Variants in CACNA1I observed in about 807,000 individuals in gnomAD.
CACNA1I encodes the protein voltage-dependent T-type calcium channel subunit alpha-1I.
CACNA1I carries 74 observed loss-of-function variants against 201.6 expected under a neutral mutation model. The ratio of observed to expected loss-of-function variants is 0.37; its 90% CI spans 0.30 to 0.45. CACNA1I has a LOEUF of 0.45. Ranked by LOEUF, CACNA1I falls within the 20% of genes least tolerant of loss-of-function variation. CACNA1I has a pLI of 1.00. For synonymous variants in CACNA1I, 1,431 were observed against 1,345.2 expected, an observed-to-expected ratio of 1.06 and a Z score of -1.40; for missense variants, 2,346 against 3,138.1, an observed-to-expected ratio of 0.75 and a Z score of 6.03.
At position 39,616,674 on chromosome 22, in the gene CACNA1I, G is replaced by T. The variant is rs895005714; in HGVS notation, c.483-2636G>T. The stretch of plus-strand genomic sequence containing the variant: ...AGCTACTCAGGAGGCTGAGGCAGGA[G>T]AATCGCTTGAACCCGGGAGGCGTAG... On this transcript the variant is annotated intron_variant, in intron 3 of 36. Coordinates refer to ENST00000402142, the MANE Select transcript of CACNA1I (RefSeq NM_021096.4). Among the ~76,000 whole-genome samples the T allele has an allele frequency of 2.7e-5, 4 of 150,564 alleles. No individual in the cohort carries two copies. In the South Asian group the frequency reaches 6.2e-4, roughly 23 times the overall value.
In CACNA1I at chr22:39,685,739, C is replaced by T. The variant is rs1935841169; in HGVS notation, c.6028-22C>T. On this transcript the variant is annotated intron_variant, in intron 36 of 36. Coordinates refer to ENST00000402142, the MANE Select transcript of CACNA1I (RefSeq NM_021096.4). This position sits in a 1 kb window ranked among gnomAD's most constrained non-coding sequence, Gnocchi z 5.0. ...GGTGGGGGCCGACACAGGCGGCCTC[C>T]ACGGCTCCCACCTCCCCCCAGGCCA... The T allele has an allele frequency of 1.4e-6, 2 of 1,438,250 alleles. No individual in the cohort carries two copies. The highest frequency in any genetic ancestry group is 2.8e-5 in the Admixed American group (1 of 36,312). 89.1% of individuals were successfully genotyped at this position (1,438,250 alleles called of 1,614,324 possible).
At chr22:39,605,422 T>G (rs1933192621) in intron 3 of CACNA1I, among the ~76,000 whole-genome samples, 1 of 152,198 alleles carries the variant, frequency 6.6e-6, no homozygotes, top group Non-Finnish European at 1.5e-5. Context: ...AAGCTCTTTC[T>G]TTCACGGAGC....
chr22:39,593,904 G>A (rs139529582), intron 1 of CACNA1I, among the ~76,000 whole-genome samples: 1 of 152,210 alleles, frequency 6.6e-6, no homozygotes, highest in African/African-American at 2.4e-5. Flanking sequence ...AAATGTTCAA[G>A]TTGTGTTGGG....
At position 39,673,045 on chromosome 22, in the gene CACNA1I, C is replaced by T; in HGVS notation, c.4746C>T (p.Thr1582=). ...EINAALPINP[T]IIRIMRVLRI... ...ATGCGGCCCTGCCCATCAATCCCAC[C>T]ATCATCCGCATCATGAGGGTTCTGC... The change falls in exon 28 of 37, where the codon ACC becomes ACT. Residue 1582 remains threonine (T), a synonymous_variant. Transcript: ENST00000402142. 1.2e-6 allele frequency: 2 copies of T among 1,613,734 alleles called. No homozygotes were observed. The highest frequency in any genetic ancestry group is 1.7e-6 in the Non-Finnish European group (2 of 1,179,792).
At chr22:39,656,812 T>C in intron 10 of CACNA1I, 3 of 517,538 alleles carry the variant, frequency 5.8e-6, no homozygotes, top group South Asian at 2.8e-5. Flanking sequence ...CTAGCCTCAG[T>C]CTCCTCATCT....
chr22:39,646,577 C>T lies in CACNA1I; in HGVS notation c.1158C>T (p.Ser386=), dbSNP rs1255509358. The change falls in exon 8 of 37, where the codon TCC becomes TCT. Residue 386 remains serine (S), a synonymous_variant. Transcript: ENST00000402142. ...CCTCCCGTTGGTCACAGGTGGGCTC[C>T]TTCTTCATGATCAACCTGTGCCTCG... The part of the protein sequence containing the change: ...IYFILLIIVG[S]FFMINLCLVV... The T allele has an allele frequency of 1.3e-6, 2 of 1,554,478 alleles. No individual in the cohort carries two copies. The highest frequency in any genetic ancestry group is 1.7e-6 in the Non-Finnish European group (2 of 1,148,400).
chr22:39,633,175 A>G (rs1321638506), intron 4 of CACNA1I, among the ~76,000 whole-genome samples: 1 of 151,874 alleles, frequency 6.6e-6, no homozygotes, highest in African/African-American at 2.4e-5. Flanking sequence ...CCCATGACTT[A>G]TCACATCATT....
Position 39,658,996 on chromosome 22 carries a change from G to A in CACNA1I, c.2210G>A (p.Arg737His). 2 of 1,610,214 alleles carry A rather than the reference G, an allele frequency of 1.2e-6. No homozygotes were observed. Among genetic ancestry groups the A allele is most frequent in the South Asian group, 1.1e-5 (1 of 90,278 alleles). ...LSVLRTFRLL[R>H]VLKLVRFMPA... ...GTGCTGCGGACCTTCCGGCTGCTGC[G>A]CGTGCTGAAACTGGTGCGCTTCATG... The change falls in exon 12 of 37, where the codon CGC (arginine) becomes CAC (histidine). Residue 737 changes from arginine to histidine, a missense_variant. Physicochemically the swap from Arg to His is conservative, Grantham distance 29 (BLOSUM62 0). Transcript: ENST00000402142.
chr22:39,581,367 T>C (rs980393438), intron 1 of CACNA1I, among the ~76,000 whole-genome samples: 2 of 151,956 alleles, frequency 1.3e-5, no homozygotes, highest in Admixed American at 6.6e-5. Context: ...GGAAGGACAT[T>C]TGGGGTCCAG....
chr22:39,599,609 A>G (rs1389631118), intron 2 of CACNA1I, among the ~76,000 whole-genome samples: 1 of 87,216 alleles, frequency 1.1e-5, no homozygotes, highest in Non-Finnish European at 2.1e-5. Flanking sequence ...ACAGAGCGAG[A>G]CTCCGTCTCA....
Position 39,670,953 on chromosome 22 carries a change from C to T in CACNA1I, c.4538C>T (p.Thr1513Met), listed in dbSNP as rs8141262. 23,623 of 1,613,656 alleles carry T rather than the reference C, an allele frequency of 0.015. 2,776 individuals carry two copies. In the African/African-American group the frequency reaches 0.26, roughly 18 times the overall value. The change falls in exon 26 of 37, where the codon ACG becomes ATG. Residue 1513 changes from threonine to methionine, a missense_variant and splice_region_variant. Around this residue, in one of 13 missense-constraint regions of CACNA1I, gnomAD observed 228 missense variants for 395.7 expected, o/e 0.58. Coordinates refer to ENST00000402142, the MANE Select transcript of CACNA1I (RefSeq NM_021096.4). ...TMSLEHYNQP[T>M]SLETALKYCN... ...TCCCTGGAGCACTACAATCAGCCCACGGTGAGCCCTGGTCTGCCTCCCAGC... is the reference window on the plus strand; with the variant it reads ...TCCCTGGAGCACTACAATCAGCCCATGGTGAGCCCTGGTCTGCCTCCCAGC...
chr22:39,670,702 C>A, intron 25 of CACNA1I, 101 bp from the exon 26 acceptor site: 4 of 1,124,150 alleles, frequency 3.6e-6, no homozygotes, highest in South Asian at 2.7e-5. Context: ...TTCCTCTTTG[C>A]CCCCTCCCTT....
rs114624981 is a variant in CACNA1I at position 39,629,441 on chromosome 22, T to G, written c.581-5124T>G. Among the ~76,000 whole-genome samples, 4,831 of 151,662 alleles carry G rather than the reference T, an allele frequency of 0.032. 108 individuals carry two copies. Among genetic ancestry groups the G allele is most frequent in the African/African-American group, 0.065 (2,703 of 41,292 alleles). ...CCCTCTGCTTGGCCTCCAAAATACCTCCAGAATCCACCATGTTCCCCACTC... is the reference window on the plus strand; with the variant it reads ...CCCTCTGCTTGGCCTCCAAAATACCGCCAGAATCCACCATGTTCCCCACTC... On this transcript the variant is annotated intron_variant, in intron 4 of 36. Coordinates refer to ENST00000402142, the MANE Select transcript of CACNA1I (RefSeq NM_021096.4). This position sits in a 1 kb window ranked among gnomAD's most constrained non-coding sequence, Gnocchi z 4.8.
intron 1 of CACNA1I, among the ~76,000 whole-genome samples, chr22:39,575,876 G>C (rs1932329258): frequency 6.6e-6 from 1 of 152,108 alleles, no homozygotes; most frequent in East Asian, 1.9e-4. Context: ...CTGGGTTCAA[G>C]TGATTCTCCC....
chr22:39,617,733 C>T (rs557893606), intron 3 of CACNA1I, among the ~76,000 whole-genome samples: 13 of 151,994 alleles, frequency 8.6e-5, no homozygotes, highest in African/African-American at 2.9e-4. Flanking sequence ...TCACCATCGG[C>T]CCTCACCCTC....
chr22:39,647,914 C>T lies in CACNA1I; in HGVS notation c.1555C>T (p.His519Tyr), dbSNP rs1934538644. 1.2e-6 allele frequency: 2 copies of T among 1,613,262 alleles called. No homozygotes were observed. The highest frequency in any genetic ancestry group is 4.5e-5 in the East Asian group (2 of 44,876). ...TGGGCCTGCCTCCCCTGGAAATGAT[C>T]ACTCGGGAAGAGGCAAGCCAGGGCC... Reference protein sequence around the residue: ...LHGPASPGNDHSGRELCPQHS... With the variant: ...LHGPASPGNDYSGRELCPQHS... Residue 519 changes from histidine to tyrosine, a missense_variant, in exon 9 of 37, where the codon CAC becomes TAC. His to Tyr is a moderately conservative substitution (Grantham distance 83). This residue lies in a region of CACNA1I where 312 missense variants were observed against 331.5 expected (regional missense o/e 0.94). Transcript: ENST00000402142.
chr22:39,665,033 C>A lies in CACNA1I; in HGVS notation c.3851+110C>A. 2 of 1,009,672 alleles carry A rather than the reference C, an allele frequency of 2.0e-6. No individual in the cohort carries two copies. Among genetic ancestry groups the A allele is most frequent in the Non-Finnish European group, 2.9e-6 (2 of 684,388 alleles). The allele number at this position is 1,009,672 out of a possible 1,614,324, so 62.5% of individuals were successfully genotyped here. A position where few individuals can be genotyped will look rare whatever the true frequency, so the allele number is the denominator to read the frequency against. On this transcript the variant is annotated intron_variant, in intron 21 of 36. Coordinates refer to ENST00000402142, the MANE Select transcript of CACNA1I (RefSeq NM_021096.4). This position sits in a 1 kb window ranked among gnomAD's most constrained non-coding sequence, Gnocchi z 5.5. ...CTCCCCGCCCGCCCACTCGGTCCTC[C>A]AATAGTGAGTGCCAAACACCCTGAG...
chr22:39,576,070 T>C (rs2413600), intron 1 of CACNA1I, among the ~76,000 whole-genome samples: 105,528 of 151,972 alleles, frequency 0.69, 37,761 homozygotes, highest in East Asian at 0.96. Flanking sequence ...CCAATGTGCC[T>C]GGCCTTCAGA....
At chr22:39,595,800 T>G (rs1418938969) in intron 1 of CACNA1I, among the ~76,000 whole-genome samples, 1 of 152,010 alleles carries the variant, frequency 6.6e-6, no homozygotes, top group African/African-American at 2.4e-5. Flanking sequence ...CAACTGTATT[T>G]ATTCATCCGA....
Sources: allele counts gnomAD v4.1 joint callset (sites outside exome capture counted in the v4.1 genomes callset), GRCh38; gene constraint gnomAD v4.1.1; regional missense constraint gnomAD v4.1.1; non-coding constraint Gnocchi (gnomAD v3.1); transcripts MANE v1.5; gene names NCBI Gene and HGNC (gene_info 2026-07-23, HGNC 2026-07-21).